Variants in LSAMP observed in about 807,000 individuals in gnomAD.
LSAMP encodes limbic system-associated membrane protein.
In LSAMP, 7 loss-of-function variants were observed where a neutral mutation model predicts 38.6. That is an observed-to-expected ratio of 0.18 (90% CI 0.10 to 0.34). The LOEUF (loss-of-function observed/expected upper bound fraction) is 0.34. LSAMP is among the 10% of genes least tolerant of loss of function. The pLI, the probability that LSAMP is intolerant of heterozygous loss-of-function variation, is 1.00. For synonymous variants in LSAMP, 154 were observed against 166.8 expected, an observed-to-expected ratio of 0.92 and a Z score of 0.59; for missense variants, 313 against 420.0, an observed-to-expected ratio of 0.75 and a Z score of 2.23.
At chr3:115,904,384 A>T (rs1002000853) in intron 3 of LSAMP, among the ~76,000 whole-genome samples, 1 of 152,164 alleles carries the variant, frequency 6.6e-6, no homozygotes, top group African/African-American at 2.4e-5. Flanking sequence ...TAAGAAATTG[A>T]TCTAGTGGAT....
intron 1 of LSAMP, among the ~76,000 whole-genome samples, chr3:116,137,379 A>G (rs1001495677): frequency 6.6e-6 from 1 of 152,120 alleles, no homozygotes; most frequent in African/African-American, 2.4e-5. Flanking sequence ...CTTCCAATGT[A>G]ATTAACTAAA....
Position 115,834,699 on chromosome 3 carries a change from T to C in LSAMP, c.919+7146A>G. On this transcript the variant is annotated intron_variant, in intron 6 of 6. Transcript: ENST00000490035. ...CAAACAATTATACAACAGATGAATT[T>C]CCATGCTTACAGGATCATATCTCTC... The C allele has an allele frequency of 6.5e-6, 3 of 463,600 alleles. No individual in the cohort carries two copies. The South Asian group carries it at 1.1e-4, about 17-fold the overall frequency. 28.7% of individuals were successfully genotyped at this position (463,600 alleles called of 1,614,324 possible).
chr3:115,883,583 A>G (rs1217063622), intron 3 of LSAMP, among the ~76,000 whole-genome samples: 2 of 152,094 alleles, frequency 1.3e-5, no homozygotes, highest in East Asian at 3.9e-4. Context: ...GGCAGTGTAT[A>G]TAGATGGTAG....
intron 1 of LSAMP, among the ~76,000 whole-genome samples, chr3:116,273,927 T>A (rs1250446308): frequency 4.0e-5 from 6 of 151,116 alleles, no homozygotes; most frequent in Non-Finnish European, 8.8e-5. Flanking sequence ...TGACCATAGG[T>A]TAGAAGAATA....
intron 2 of LSAMP, among the ~76,000 whole-genome samples, chr3:116,078,039 G>A (rs1707785002): frequency 6.6e-6 from 1 of 152,146 alleles, no homozygotes; most frequent in African/African-American, 2.4e-5. Context: ...TTAATATTGT[G>A]TCAGTTAGGT....
intron 1 of LSAMP, among the ~76,000 whole-genome samples, chr3:116,157,573 A>G (rs905239959): frequency 6.6e-6 from 1 of 152,342 alleles, no homozygotes; most frequent in Middle Eastern, 3.4e-3. Context: ...AACGTAAAAC[A>G]GAAATAAGTA....
At chr3:116,410,379 G>A (rs1244364085) in intron 1 of LSAMP, among the ~76,000 whole-genome samples, 1 of 152,014 alleles carries the variant, frequency 6.6e-6, no homozygotes, top group Non-Finnish European at 1.5e-5. Context: ...GAAGCTGAAG[G>A]ACACTGCACA....
intron 1 of LSAMP, among the ~76,000 whole-genome samples, chr3:116,159,894 C>T (rs114629408): frequency 0.011 from 1,663 of 151,988 alleles, 28 homozygotes; most frequent in African/African-American, 0.039. Context: ...ACTACAAAGC[C>T]ATAAAAAAAG....
chr3:116,152,339 T>C (rs1169125379), intron 1 of LSAMP, among the ~76,000 whole-genome samples: 4 of 152,122 alleles, frequency 2.6e-5, no homozygotes, highest in African/African-American at 9.7e-5. Context: ...CTGCAATCGG[T>C]ACCCATGCTT....
chr3:116,208,448 C>T (rs2046101275), intron 1 of LSAMP, among the ~76,000 whole-genome samples: 1 of 152,216 alleles, frequency 6.6e-6, no homozygotes, highest in South Asian at 2.1e-4. Flanking sequence ...TGGTGAGGAA[C>T]TGCATTCCTT....
intron 3 of LSAMP, among the ~76,000 whole-genome samples, chr3:115,856,630 A>T (rs1935518175): frequency 6.6e-6 from 1 of 151,062 alleles, no homozygotes; most frequent in African/African-American, 2.4e-5. Flanking sequence ...AAAAAAAAAA[A>T]AAGAAAAGAA....
intron 1 of LSAMP, among the ~76,000 whole-genome samples, chr3:116,259,364 A>T (rs1170452512): frequency 6.6e-6 from 1 of 152,156 alleles, no homozygotes; most frequent in African/African-American, 2.4e-5. Context: ...ATTGCTCTAG[A>T]GGTATAAGAC....
At chr3:116,354,909 G>T (rs980790646) in intron 1 of LSAMP, among the ~76,000 whole-genome samples, 2 of 150,680 alleles carry the variant, frequency 1.3e-5, no homozygotes, top group African/African-American at 4.9e-5. Context: ...TGAGGAAGAG[G>T]GAATTTAGAA....
chr3:115,841,305 A>AT (rs1559845733), intron 6 of LSAMP, among the ~76,000 whole-genome samples: 1 of 151,846 alleles, frequency 6.6e-6, no homozygotes, highest in African/African-American at 2.4e-5. Context: ...TTCTGCAACC[A>AT]TTTTTCCTCC....
Position 115,842,445 on chromosome 3 carries a change from G to A in LSAMP, c.770+13C>T. On this transcript the variant is annotated intron_variant, in intron 5 of 6. Transcript: ENST00000490035. ...GCAGTGGAGTCATGGGGGATGGTAG[G>A]TTTGGCACATACCTAGTGTCATCCC... 1 of 1,613,000 alleles carries A rather than the reference G, an allele frequency of 6.2e-7. No individual in the cohort carries two copies. The highest frequency in any genetic ancestry group is 8.5e-7 in the Non-Finnish European group (1 of 1,179,442).
chr3:115,830,989 G>A (rs1934590740), intron 6 of LSAMP, among the ~76,000 whole-genome samples: 1 of 152,184 alleles, frequency 6.6e-6, no homozygotes, highest in Non-Finnish European at 1.5e-5. Context: ...TCGCTTGTTT[G>A]TGGTTTGGAT....
chr3:115,810,780 C>T (rs1933801892), intron 6 of LSAMP, among the ~76,000 whole-genome samples: 1 of 152,186 alleles, frequency 6.6e-6, no homozygotes, highest in Non-Finnish European at 1.5e-5. Context: ...GTTAAGGTTC[C>T]AAGCATTGGT....
intron 1 of LSAMP, among the ~76,000 whole-genome samples, chr3:116,339,007 C>T (rs1418049340): frequency 6.6e-6 from 1 of 151,902 alleles, no homozygotes; most frequent in Non-Finnish European, 1.5e-5. Flanking sequence ...TCATCCATTC[C>T]GGATGAGATG....
chr3:115,805,472 T>C lies in LSAMP; in HGVS notation c.*4845A>G, dbSNP rs977582958. ...AATGAAGTTTACATAGTTTATATTA[T>C]GTACATAAACTAGTGATTTACATTG... On this transcript the variant is annotated 3_prime_UTR_variant, in exon 7 of 7. Transcript: ENST00000490035. 2 of 152,346 alleles carry C rather than the reference T, an allele frequency of 1.3e-5. No homozygotes were observed. Among genetic ancestry groups the C allele is most frequent in the African/African-American group, 4.8e-5 (2 of 41,586 alleles). The allele number at this position is 152,346 out of a possible 1,614,324, so 9.4% of individuals were successfully genotyped here. A position where few individuals can be genotyped will look rare whatever the true frequency, so the allele number is the denominator to read the frequency against.
Sources: gnomAD v4.1 joint callset for allele counts (sites outside exome capture counted in the v4.1 genomes callset) on GRCh38, gnomAD v4.1.1 for gene constraint, MANE v1.5 for transcripts, NCBI Gene and HGNC (gene_info 2026-07-23, HGNC 2026-07-21) for gene names.